Variants in CCDC178 observed in about 807,000 individuals in gnomAD.
CCDC178 encodes coiled-coil domain containing 178, also known as coiled-coil domain-containing protein 178.
In CCDC178, 126 loss-of-function variants were observed where a neutral mutation model predicts 117.4. The ratio of observed to expected loss-of-function variants is 1.07; its 90% CI spans 0.93 to 1.24. CCDC178 has a LOEUF of 1.24. CCDC178 is among the 50% of genes most tolerant of loss of function. CCDC178 has a pLI of 0.00. For missense variants in CCDC178, 1,030 were observed against 986.9 expected, an observed-to-expected ratio of 1.04 and a Z score of -0.59; for synonymous variants, 283 against 313.4, an observed-to-expected ratio of 0.90 and a Z score of 1.02.
intron 21 of CCDC178, among the ~76,000 whole-genome samples, chr18:32,999,426 G>A (rs1376114211): frequency 6.6e-6 from 1 of 152,150 alleles, no homozygotes; most frequent in Non-Finnish European, 1.5e-5. Context: ...GCTCTGAAGG[G>A]AAAGACACAA....
chr18:33,423,941 A>G (rs2064072842), intron 2 of CCDC178, among the ~76,000 whole-genome samples: 1 of 152,192 alleles, frequency 6.6e-6, no homozygotes, highest in Non-Finnish European at 1.5e-5. Flanking sequence ...TTTATCTTCA[A>G]CATATTGTTT....
intron 20 of CCDC178, among the ~76,000 whole-genome samples, chr18:33,177,847 A>T (rs572775835): frequency 6.6e-6 from 1 of 152,092 alleles, no homozygotes; most frequent in African/African-American, 2.4e-5. Context: ...TTCTGTAGAA[A>T]CCATTTTTTT....
At chr18:33,170,929 T>A (rs1371302307) in intron 20 of CCDC178, among the ~76,000 whole-genome samples, 1 of 152,212 alleles carries the variant, frequency 6.6e-6, no homozygotes, top group East Asian at 1.9e-4. Flanking sequence ...AAATACTGTT[T>A]CTGCTTTATG....
rs1307048289 is a variant in CCDC178, at chr18:33,344,708, CTGT to C, written c.658+1500_658+1502del. Among the ~76,000 whole-genome samples, 11 of 151,820 alleles carry C rather than the reference CTGT, an allele frequency of 7.2e-5. No homozygotes were observed. In the East Asian group the frequency reaches 7.8e-4, roughly 11 times the overall value. ...CAATTAGGAAAATTGTGCATGACTC[CTGT>C]TGTTGTGAACAGAGTCTATCAAGAA... On this transcript the variant is annotated intron_variant, in intron 9 of 22. Transcript: ENST00000383096.
At chr18:33,167,705 A>G (rs1598954241) in intron 20 of CCDC178, among the ~76,000 whole-genome samples, 1 of 151,868 alleles carries the variant, frequency 6.6e-6, no homozygotes, top group Non-Finnish European at 1.5e-5. Flanking sequence ...CTCTACTAAA[A>G]ATACAAAAAA....
At chr18:33,435,684 T>TTATTATAATAC (rs1568225792) in intron 2 of CCDC178, among the ~76,000 whole-genome samples, 1 of 143,780 alleles carries the variant, frequency 7.0e-6, no homozygotes, top group Admixed American at 7.1e-5. Flanking sequence ...ACATTATTTA[T>TTATTATAATAC]AATAATAATA....
chr18:33,134,259 G>A (rs1429469570), intron 20 of CCDC178, among the ~76,000 whole-genome samples: 3 of 151,870 alleles, frequency 2.0e-5, no homozygotes, highest in Non-Finnish European at 4.4e-5. Context: ...TGCTTAAGGA[G>A]TACCTTTTCC....
intron 9 of CCDC178, among the ~76,000 whole-genome samples, chr18:33,333,925 C>A (rs901869283): frequency 4.6e-5 from 7 of 151,660 alleles, no homozygotes; most frequent in African/African-American, 1.7e-4. Context: ...TAGTACAAAT[C>A]CTGTTTATGT....
intron 22 of CCDC178, among the ~76,000 whole-genome samples, chr18:32,955,578 C>T (rs1360682789): frequency 1.3e-5 from 2 of 152,094 alleles, no homozygotes; most frequent in African/African-American, 4.8e-5. Context: ...AATGCCTACA[C>T]AGATATTTGA....
chr18:33,275,551 G>A (rs1233171946), intron 12 of CCDC178, among the ~76,000 whole-genome samples: 12 of 144,730 alleles, frequency 8.3e-5, no homozygotes, highest in Non-Finnish European at 1.5e-5. Flanking sequence ...AAAAAGAACA[G>A]AAAGGAAGGT....
intron 14 of CCDC178, 48 bp downstream of exon 14, chr18:33,266,868 A>ATTGT (rs2059822541): frequency 7.0e-7 from 1 of 1,425,960 alleles, no homozygotes; most frequent in Non-Finnish European, 9.4e-7. Flanking sequence ...TATTGTATTT[A>ATTGT]ACATATTGGA....
chr18:32,941,561 AC>A (rs2054240254), intron 22 of CCDC178, among the ~76,000 whole-genome samples: 2 of 152,166 alleles, frequency 1.3e-5, no homozygotes, highest in African/African-American at 4.8e-5. Context: ...CACTGAGGTC[AC>A]TTTTTAAATG....
intron 2 of CCDC178, among the ~76,000 whole-genome samples, chr18:33,431,250 AC>A (rs1358370750): frequency 3.4e-5 from 5 of 149,070 alleles, no homozygotes; most frequent in Admixed American, 6.7e-5. Flanking sequence ...TGGGAAACTA[AC>A]CATTTATATT....
In CCDC178 at chr18:33,391,075, C is replaced by A. The variant is rs539369829; in HGVS notation, c.119-1446G>T. 2.5e-3 allele frequency among the ~76,000 whole-genome samples: 374 copies of A among 149,570 alleles called. 1 individual carries two copies. Among genetic ancestry groups the A allele is most frequent in the African/African-American group, 8.6e-3 (352 of 40,982 alleles). On this transcript the variant is annotated intron_variant, in intron 4 of 22. Coordinates refer to ENST00000383096, the MANE Select transcript of CCDC178 (RefSeq NM_001105528.4). ...ATAAAAGATAGTGCTAATCAAATAG[C>A]TATTATAATATATAAATGACTAAAT...
At chr18:33,139,515 T>C (rs2058171508) in intron 20 of CCDC178, among the ~76,000 whole-genome samples, 1 of 152,160 alleles carries the variant, frequency 6.6e-6, no homozygotes, top group Non-Finnish European at 1.5e-5. Context: ...GAGGAACTTG[T>C]TGGGAACTGG....
intron 20 of CCDC178, among the ~76,000 whole-genome samples, chr18:33,167,907 GTGTC>G (rs1470819116): frequency 7.1e-6 from 1 of 141,192 alleles, no homozygotes; most frequent in Non-Finnish European, 1.6e-5. Flanking sequence ...AATAATAAAA[GTGTC>G]TGTTCATGTA....
chr18:33,251,446 G>A (rs910876616), intron 14 of CCDC178, among the ~76,000 whole-genome samples: 5 of 151,726 alleles, frequency 3.3e-5, no homozygotes, highest in South Asian at 4.1e-4. Flanking sequence ...TTTCTTGGTC[G>A]TGCTGAATAT....
In CCDC178 at chr18:33,356,381, C is replaced by G. The variant is rs1251934299; in HGVS notation, c.349-35G>C. The stretch of plus-strand genomic sequence containing the variant: ...CAAAAGATCTCAATAAAAATCAAAT[C>G]TTAAACATATTAAAAAACTGAATAA... On this transcript the variant is annotated intron_variant, in intron 6 of 22. Coordinates refer to ENST00000383096, the MANE Select transcript of CCDC178 (RefSeq NM_001105528.4). 2.1e-6 allele frequency: 3 copies of G among 1,444,402 alleles called. No individual in the cohort carries two copies. The Admixed American group carries it at 7.4e-5, about 36-fold the overall frequency. 89.5% of individuals were successfully genotyped at this position (1,444,402 alleles called of 1,614,324 possible).
At chr18:33,197,443 G>C (rs1187325546) in intron 20 of CCDC178, among the ~76,000 whole-genome samples, 2 of 152,208 alleles carry the variant, frequency 1.3e-5, no homozygotes, top group East Asian at 3.9e-4. Context: ...CAGGATATTT[G>C]TGTGTAGTGG....
Sources: gnomAD v4.1 joint callset for allele counts (sites outside exome capture counted in the v4.1 genomes callset) on GRCh38, gnomAD v4.1.1 for gene constraint, MANE v1.5 for transcripts, NCBI Gene and HGNC (gene_info 2026-07-23, HGNC 2026-07-21) for gene names.